KRTAP9-9: variants seen among roughly 807,000 people sequenced by gnomAD.
KRTAP9-9 encodes keratin-associated protein 9-9.
KRTAP9-9 carries 12 observed loss-of-function variants against 13.7 expected under a neutral mutation model. The ratio of observed to expected loss-of-function variants is 0.88; its 90% CI spans 0.56 to 1.42. The LOEUF is 1.42. Ranked by LOEUF, KRTAP9-9 falls within the 40% of genes most tolerant of loss-of-function variation. The pLI, the probability that KRTAP9-9 is intolerant of heterozygous loss-of-function variation, is 0.00. For synonymous variants in KRTAP9-9, 81 were observed against 78.1 expected (o/e 1.04, Z -0.19); for missense variants, 194 against 206.5 (o/e 0.94, Z 0.37).
In KRTAP9-9 at chr17:41,255,977, C is replaced by G. The variant is rs1398776155; in HGVS notation, c.*82C>G. 5 of 1,569,186 alleles carry G rather than the reference C, an allele frequency of 3.2e-6. No homozygotes were observed. The African/African-American group carries it at 6.8e-5, about 21-fold the overall frequency. ...TCTTTTGGAGGACTAATTTACCTTA[C>G]TGCTGACAGCAACCATGTTCTCACC... On this transcript the variant is annotated 3_prime_UTR_variant, in exon 1 of 1. Coordinates refer to ENST00000394008, the Ensembl canonical transcript of KRTAP9-9.
exon 1 of KRTAP9-9, chr17:41,255,738 C>T (rs765763569): frequency 4.3e-6 from 7 of 1,613,854 alleles, no homozygotes; most frequent in South Asian, 2.2e-5. Context: ...TGCTACTACC[C>T]GACGACTGTC....
At chr17:41,255,861 G>A (rs767186541) in exon 1 of KRTAP9-9, 2 of 1,613,602 alleles carry the variant, frequency 1.2e-6, no homozygotes, top group East Asian at 2.2e-5. Flanking sequence ...CAGCCCACCT[G>A]TGTGTCCAGC....
exon 1 of KRTAP9-9, chr17:41,255,545 A>G (rs764313729): frequency 5.0e-6 from 8 of 1,612,776 alleles, no homozygotes; most frequent in Non-Finnish European, 6.8e-6. Context: ...TTGCTGTCAA[A>G]ACACCTGCTG....
rs9894258 is a variant in KRTAP9-9, at chr17:41,255,819, G to A, written c.434G>A (p.Cys145Tyr). ...CAGCCCTGCTGCCGCCCCGCCTGCTGTGAGACCACCTGCTGCAGGACCACT... is the reference window on the plus strand; with the variant it reads ...CAGCCCTGCTGCCGCCCCGCCTGCTATGAGACCACCTGCTGCAGGACCACT... Residue 145 changes from cysteine (C) to tyrosine (Y), a missense_variant, in exon 1 of 1, where the codon TGT becomes TAT. Transcript: ENST00000394008. The A allele has an allele frequency of 5.3e-3, 8,508 of 1,613,148 alleles. 325 individuals are homozygous for A. The African/African-American group carries it at 0.095, about 18-fold the overall frequency.
rs1417501358 is a variant in KRTAP9-9 at position 41,256,325 on chromosome 17, A to T, written c.*430A>T. 8 of 211,720 alleles carry T rather than the reference A, an allele frequency of 3.8e-5. No individual in the cohort carries two copies. The East Asian group carries it at 8.2e-4, about 22-fold the overall frequency. The allele number at this position is 211,720 out of a possible 1,614,324, so 13.1% of individuals were successfully genotyped here. A position where few individuals can be genotyped will look rare whatever the true frequency, so the allele number is the denominator to read the frequency against. On this transcript the variant is annotated 3_prime_UTR_variant, in exon 1 of 1. Transcript: ENST00000394008. ...CTCCCTATAACCAGGGATCTTACCT[A>T]TATATTTCTTAATAAATAAATTTGG...
At chr17:41,255,653 T>G in exon 1 of KRTAP9-9, 1 of 1,613,278 alleles carries the variant, frequency 6.2e-7, no homozygotes, top group Non-Finnish European at 8.5e-7. Context: ...TGGGTCCAGC[T>G]GCTGTGGCCA....
rs755456675 is a variant in KRTAP9-9, at chr17:41,255,604, T to C, written c.219T>C (p.Pro73=). The C allele has an allele frequency of 8.1e-6, 13 of 1,613,334 alleles. No individual in the cohort carries two copies. In the South Asian group the frequency reaches 1.1e-4, roughly 14 times the overall value. Residue 73 remains proline (P), a synonymous_variant, in exon 1 of 1, where the codon CCT becomes CCC. Coordinates refer to ENST00000394008, the Ensembl canonical transcript of KRTAP9-9. ...CCTGTCTGACCAGCTGCTGCCAGCC[T>C]TCCTGCTGCAGCACAACCTGCTGCC...
At chr17:41,255,953 C>A (rs2016316706) in exon 1 of KRTAP9-9, 6 of 1,592,298 alleles carry the variant, frequency 3.8e-6, no homozygotes, top group Non-Finnish European at 5.1e-6. Context: ...ACTGACTTAT[C>A]TTTTGGAGGA....
At chr17:41,256,208 A>G (rs1302615902) in exon 1 of KRTAP9-9, 5 of 510,886 alleles carry the variant, frequency 9.8e-6, no homozygotes, top group Non-Finnish European at 1.8e-5. Flanking sequence ...GTTGCTGCAA[A>G]TGATTAAGAA....
chr17:41,256,304 C>T (rs937018906), exon 1 of KRTAP9-9: 3 of 258,514 alleles, frequency 1.2e-5, no homozygotes, highest in Non-Finnish European at 2.3e-5. Flanking sequence ...GGTTATCTCC[C>T]TATAACCAGG....
chr17:41,255,860 T>C (rs762380328), exon 1 of KRTAP9-9: 1 of 1,613,588 alleles, frequency 6.2e-7, no homozygotes, highest in South Asian at 1.1e-5. Context: ...CCAGCCCACC[T>C]GTGTGTCCAG....
chr17:41,255,801 G>A (rs759721433), exon 1 of KRTAP9-9: 44 of 1,613,322 alleles, frequency 2.7e-5, no homozygotes, highest in Middle Eastern at 1.6e-4. Flanking sequence ...TGCCAGCCCT[G>A]CTGCCGCCCC....
chr17:41,255,867 C>T, exon 1 of KRTAP9-9: 1 of 1,557,608 alleles, frequency 6.4e-7, no homozygotes, highest in Non-Finnish European at 8.8e-7. Flanking sequence ...ACCTGTGTGT[C>T]CAGCTGCTGC....
exon 1 of KRTAP9-9, chr17:41,255,978 T>C (rs975483670): frequency 1.3e-6 from 2 of 1,569,182 alleles, no homozygotes; most frequent in South Asian, 1.2e-5. Flanking sequence ...TTTACCTTAC[T>C]GCTGACAGCA....
chr17:41,255,727 C>G (rs772085509), exon 1 of KRTAP9-9: 7 of 1,613,876 alleles, frequency 4.3e-6, no homozygotes, highest in Non-Finnish European at 5.9e-6. Context: ...GCAGAAGAAC[C>G]TGCTACTACC....
chr17:41,256,081 T>C, exon 1 of KRTAP9-9: 1 of 1,079,486 alleles, frequency 9.3e-7, no homozygotes, highest in South Asian at 1.6e-5. Context: ...ATCCTGATTC[T>C]CTTTTTCTTA....
chr17:41,255,928 A>G, exon 1 of KRTAP9-9: 2 of 1,609,384 alleles, frequency 1.2e-6, no homozygotes, highest in South Asian at 2.2e-5. Flanking sequence ...TCTTCACACA[A>G]CAACCTTCTG....
exon 1 of KRTAP9-9, chr17:41,256,166 A>G: frequency 1.6e-6 from 1 of 620,932 alleles, no homozygotes; most frequent in Non-Finnish European, 2.8e-6. Flanking sequence ...TCAAAAGTCA[A>G]GAGCTTCATT....
exon 1 of KRTAP9-9, chr17:41,256,040 T>G (rs949609716): frequency 2.7e-6 from 4 of 1,470,048 alleles, no homozygotes; most frequent in Non-Finnish European, 3.7e-6. Flanking sequence ...TAAAATCTTG[T>G]GAATCAGCTT....
Sources: allele counts gnomAD v4.1 joint callset, GRCh38; gene constraint gnomAD v4.1.1; transcripts MANE v1.5; gene names NCBI Gene and HGNC (gene_info 2026-07-23, HGNC 2026-07-21).